The following PCDHGB4 variants were observed in gnomAD, a reference collection of about 807,000 sequenced individuals.
PCDHGB4 encodes the protein protocadherin gamma subfamily B, 4.
PCDHGB4 carries 38 observed loss-of-function variants against 60.5 expected under a neutral mutation model. That is an observed-to-expected ratio of 0.63 (90% CI 0.48 to 0.82). The LOEUF (loss-of-function observed/expected upper bound fraction) is 0.82. Among genes scored for constraint, PCDHGB4 ranks in the 40% least tolerant of loss-of-function variants. PCDHGB4 has a pLI of 0.00. For missense variants in PCDHGB4, 1,109 were observed against 1,209.6 expected (o/e 0.92, Z 1.23); for synonymous variants, 456 against 509.7 (o/e 0.89, Z 1.42).
At chr5:141,508,029 A>C (rs941166006) in intron 3 of PCDHGB4, 10 of 152,264 alleles carry the variant, frequency 6.6e-5, no homozygotes, top group African/African-American at 2.4e-4. Flanking sequence ...TGCGGTTTGC[A>C]GCTCAGCCAG....
rs1021096537 is a variant in PCDHGB4, at chr5:141,511,383, T to C, written c.*210T>C. 2 of 1,155,330 alleles carry C rather than the reference T, an allele frequency of 1.7e-6. No homozygotes were observed. Among genetic ancestry groups the C allele is most frequent in the Non-Finnish European group, 2.4e-6 (2 of 841,000 alleles). The allele number at this position is 1,155,330 out of a possible 1,614,324, so 71.6% of individuals were successfully genotyped here. ...GTTGAATATGCAAAAGCAGTTCCGC[T>C]GGGAACCCCCATCCAATCAACTGCT... is the stretch of plus-strand genomic sequence containing the variant. On this transcript the variant is annotated 3_prime_UTR_variant, in exon 4 of 4. Transcript: ENST00000519479.
rs775122106 is a variant in PCDHGB4 at position 141,410,519 on chromosome 5, C to CT, written c.2397+20239dup. On this transcript the variant is annotated intron_variant, in intron 1 of 3. Coordinates refer to ENST00000519479, the MANE Select transcript of PCDHGB4 (RefSeq NM_003736.4). ...TAATTTCCTAAAATGCAGTGTGCCCCTACATTCCAATGAAGACATGGTTTG... is the reference window on the plus strand; with the variant it reads ...TAATTTCCTAAAATGCAGTGTGCCCCTTACATTCCAATGAAGACATGGTTTG... 5.9e-5 allele frequency: 95 copies of CT among 1,613,978 alleles called. 1 individual carries two copies. In the South Asian group the frequency reaches 1.0e-3, roughly 17 times the overall value.
intron 1 of PCDHGB4, among the ~76,000 whole-genome samples, chr5:141,464,827 C>T (rs529757361): frequency 1.5e-4 from 23 of 152,246 alleles, no homozygotes; most frequent in African/African-American, 4.6e-4. Flanking sequence ...TAGCCTCGCA[C>T]TCCTGGGCTC....
At position 141,454,263 on chromosome 5, in the gene PCDHGB4, T is replaced by C. The variant is rs954231508; in HGVS notation, c.2398-40544T>C. Among the ~76,000 whole-genome samples, 42 of 152,140 alleles carry C rather than the reference T, an allele frequency of 2.8e-4. 1 individual carries two copies. Among genetic ancestry groups the C allele is most frequent in the South Asian group, 1.0e-3 (5 of 4,826 alleles). On this transcript the variant is annotated intron_variant, in intron 1 of 3. Coordinates refer to ENST00000519479, the MANE Select transcript of PCDHGB4 (RefSeq NM_003736.4). Reference sequence around the variant, plus strand: ...GATGAAGATGTCCCAGAGAAAGTAATGCCAGCAAAAACTTCACATTAAAGG... The same window carrying C: ...GATGAAGATGTCCCAGAGAAAGTAACGCCAGCAAAAACTTCACATTAAAGG...
rs766164142 is a variant in PCDHGB4, at chr5:141,477,910, G to A, written c.2398-16897G>A. On this transcript the variant is annotated intron_variant, in intron 1 of 3. Transcript: ENST00000519479. The surrounding 1 kb of genome is among the most constrained non-coding windows in gnomAD (Gnocchi z 4.9). ...TGTCACGGGTGGTAGGCTGGGACGC[G>A]GATGCAGGGCACAATGCCTGGCTCT... 6.2e-7 allele frequency: 1 copy of A among 1,614,166 alleles called. No individual in the cohort carries two copies. Among genetic ancestry groups the A allele is most frequent in the Admixed American group, 1.7e-5 (1 of 60,020 alleles).
In PCDHGB4 at chr5:141,387,872, G is replaced by T. The variant is rs1436610477; in HGVS notation, c.-13G>T. ...TCTCCAGGCTGGTGAGCAAGCTGAG[G>T]AGAGCAAGAGGGATGGGGAGCGGCG... is the stretch of plus-strand genomic sequence containing the variant. On this transcript the variant is annotated 5_prime_UTR_variant, in exon 1 of 4. Coordinates refer to ENST00000519479, the MANE Select transcript of PCDHGB4 (RefSeq NM_003736.4). The T allele has an allele frequency of 1.8e-5, 28 of 1,588,586 alleles. No homozygotes were observed. In the Admixed American group the frequency reaches 4.7e-4, roughly 26 times the overall value.
intron 1 of PCDHGB4, chr5:141,392,892 G>A (rs2092623669): frequency 6.2e-7 from 1 of 1,613,702 alleles, no homozygotes; most frequent in Non-Finnish European, 8.5e-7. Context: ...GTGGGAAATC[G>A]GGAGGGGACA....
rs73280340 is a variant in PCDHGB4, at chr5:141,473,067, G to A, written c.2398-21740G>A. On this transcript the variant is annotated intron_variant, in intron 1 of 3. Transcript: ENST00000519479. ...GAAAGAAGTGATACAACAAGTTACA[G>A]CATCTTTGTTTATTATCCACTGTGA... Among the ~76,000 whole-genome samples the A allele has an allele frequency of 5.6e-3, 854 of 152,054 alleles. 5 individuals are homozygous for A. The highest frequency in any genetic ancestry group is 0.019 in the African/African-American group (798 of 41,456).
Position 141,390,263 on chromosome 5 carries a change from T to G in PCDHGB4, c.2379T>G (p.Ser793Arg), listed in dbSNP as rs1249972080. Residue 793 changes from serine (S) to arginine (R), a missense_variant, in exon 1 of 4, where the codon AGT (serine) becomes AGG (arginine). Around this residue, in one of 2 missense-constraint regions of PCDHGB4, gnomAD observed 1,068 missense variants for 1,089.9 expected, o/e 0.98. Coordinates refer to ENST00000519479, the MANE Select transcript of PCDHGB4 (RefSeq NM_003736.4). ...CCTTATTTCCACTTTGTAATTCCAG[T>G]GAATTGACTTCCCATCAGGTGAGTT... ...SGALFPLCNSSELTSHQQAPP... is the reference protein window; with the variant it reads ...SGALFPLCNSRELTSHQQAPP... The G allele has an allele frequency of 1.2e-6, 2 of 1,614,054 alleles. No individual in the cohort carries two copies. The highest frequency in any genetic ancestry group is 1.7e-6 in the Non-Finnish European group (2 of 1,179,896).
intron 1 of PCDHGB4, chr5:141,409,290 G>T: frequency 6.2e-7 from 1 of 1,613,974 alleles, no homozygotes; most frequent in Non-Finnish European, 8.5e-7. Flanking sequence ...TCACCTCCAG[G>T]AATGGTTGTT....
intron 1 of PCDHGB4, chr5:141,415,794 A>C: frequency 7.3e-7 from 1 of 1,366,410 alleles, no homozygotes; most frequent in Non-Finnish European, 9.3e-7. Context: ...AAATTCACCT[A>C]GTCTCAATCA....
intron 2 of PCDHGB4, among the ~76,000 whole-genome samples, chr5:141,502,783 G>A (rs2099816035): frequency 6.6e-6 from 1 of 151,652 alleles, no homozygotes; most frequent in African/African-American, 2.4e-5. Context: ...AAAATTACCT[G>A]GATGATTTCT....
intron 3 of PCDHGB4, among the ~76,000 whole-genome samples, chr5:141,506,923 C>G: frequency 6.6e-6 from 1 of 152,184 alleles, no homozygotes; most frequent in African/African-American, 2.4e-5. Flanking sequence ...ACATACTAAA[C>G]AAACTTTAGG....
intron 1 of PCDHGB4, chr5:141,478,477 C>T: frequency 6.2e-7 from 1 of 1,613,796 alleles, no homozygotes; most frequent in Non-Finnish European, 8.5e-7. Flanking sequence ...GCCGCCAGAA[C>T]ACGCTGCGGA....
intron 1 of PCDHGB4, among the ~76,000 whole-genome samples, chr5:141,492,164 C>G (rs1180358388): frequency 6.6e-6 from 1 of 152,230 alleles, no homozygotes; most frequent in Non-Finnish European, 1.5e-5. Context: ...CTCCCTATCC[C>G]CGCATCACCC....
Position 141,486,677 on chromosome 5 carries a change from G to A in PCDHGB4, c.2398-8130G>A, listed in dbSNP as rs755512470. ...ACTCCTGGAGCCCAGGAATCGAGATGTATCAGCTTCCTCTTTCATCTCTCT... is the reference window on the plus strand; with the variant it reads ...ACTCCTGGAGCCCAGGAATCGAGATATATCAGCTTCCTCTTTCATCTCTCT... On this transcript the variant is annotated intron_variant, in intron 1 of 3. Transcript: ENST00000519479. This position sits in a 1 kb window ranked among gnomAD's most constrained non-coding sequence, Gnocchi z 5.0. The A allele has an allele frequency of 3.7e-6, 6 of 1,614,060 alleles. No individual in the cohort carries two copies. Among genetic ancestry groups the A allele is most frequent in the Middle Eastern group, 1.6e-4 (1 of 6,062 alleles).
At chr5:141,467,134 C>T (rs905270517) in intron 1 of PCDHGB4, among the ~76,000 whole-genome samples, 19 of 151,750 alleles carry the variant, frequency 1.3e-4, no homozygotes, top group African/African-American at 4.6e-4. Flanking sequence ...CTCACTGCAA[C>T]CTCTGCCTCC....
chr5:141,403,390 G>C (rs1471861396), intron 1 of PCDHGB4: 2 of 1,613,920 alleles, frequency 1.2e-6, no homozygotes, highest in Admixed American at 1.7e-5. Flanking sequence ...ACGAAATCGC[G>C]GTTCCTGGAG....
chr5:141,431,609 G>A lies in PCDHGB4; in HGVS notation c.2397+41328G>A. The A allele has an allele frequency of 6.2e-7, 1 of 1,614,232 alleles. No homozygotes were observed. The highest frequency in any genetic ancestry group is 8.5e-7 in the Non-Finnish European group (1 of 1,180,046). On this transcript the variant is annotated intron_variant, in intron 1 of 3. Coordinates refer to ENST00000519479, the MANE Select transcript of PCDHGB4 (RefSeq NM_003736.4). The surrounding 1 kb of genome is among the most constrained non-coding windows in gnomAD (Gnocchi z 4.8). ...GGAAGTGAGGTATTCCTTCCGGTAT[G>A]TGGACGACAAGGCGGCCCAAGTTTT...
Sources: allele counts gnomAD v4.1 joint callset (sites outside exome capture counted in the v4.1 genomes callset), GRCh38; gene constraint gnomAD v4.1.1; regional missense constraint gnomAD v4.1.1; non-coding constraint Gnocchi (gnomAD v3.1); transcripts MANE v1.5; gene names NCBI Gene and HGNC (gene_info 2026-07-23, HGNC 2026-07-21).